IRAK3: variants seen among roughly 807,000 people sequenced by gnomAD.
IRAK3 encodes the protein interleukin-1 receptor-associated kinase 3.
IRAK3 carries 57 observed loss-of-function variants against 56.6 expected under a neutral mutation model. The observed-to-expected ratio is 1.01, with a 90% CI of 0.81 to 1.26. IRAK3 has a LOEUF of 1.26. IRAK3 is among the 50% of genes most tolerant of loss of function. The pLI, the probability that IRAK3 is intolerant of heterozygous loss-of-function variation, is 0.00. For synonymous variants in IRAK3, 258 were observed against 255.7 expected (o/e 1.01, Z -0.09); for missense variants, 703 against 719.0 (o/e 0.98, Z 0.25).
intron 2 of IRAK3, 92 bp from the exon 3 acceptor site, chr12:66,209,364 C>G: frequency 1.3e-6 from 1 of 764,508 alleles, no homozygotes; most frequent in East Asian, 2.5e-5. Context: ...TGAACAATGG[C>G]TAGCAAGACA....
intron 5 of IRAK3, among the ~76,000 whole-genome samples, chr12:66,213,288 GC>G (rs1314293584): frequency 6.6e-6 from 1 of 152,086 alleles, no homozygotes; most frequent in Non-Finnish European, 1.5e-5. Flanking sequence ...CTCCCACTGG[GC>G]CCCTCCCACA....
At chr12:66,208,136 C>A (rs775479668) in intron 2 of IRAK3, among the ~76,000 whole-genome samples, 24 of 152,046 alleles carry the variant, frequency 1.6e-4, no homozygotes, top group Non-Finnish European at 2.5e-4. Flanking sequence ...AGAAGATAAT[C>A]TAGAAAGAAG....
intron 6 of IRAK3, among the ~76,000 whole-genome samples, chr12:66,226,458 T>A (rs1318604918): frequency 6.6e-6 from 1 of 152,112 alleles, no homozygotes; most frequent in African/African-American, 2.4e-5. Context: ...GCCAGGCTGG[T>A]CTCAAACTCC....
intron 1 of IRAK3, chr12:66,197,117 C>T (rs1393545354): frequency 7.7e-7 from 1 of 1,305,036 alleles, no homozygotes; most frequent in Non-Finnish European, 9.7e-7. Flanking sequence ...CTTAGGTTGA[C>T]TTTTTGGCTT....
In IRAK3 at chr12:66,196,826, A is replaced by AT. The variant is rs571270644; in HGVS notation, c.134-6879dup. 237 of 1,436,332 alleles carry AT rather than the reference A, an allele frequency of 1.7e-4. 3 individuals carry two copies. The South Asian group carries it at 3.2e-3, about 20-fold the overall frequency. 89.0% of individuals were successfully genotyped at this position (1,436,332 alleles called of 1,614,324 possible). A position where few individuals can be genotyped will look rare whatever the true frequency, so the allele number is the denominator to read the frequency against. On this transcript the variant is annotated intron_variant, in intron 1 of 11. Coordinates refer to ENST00000261233, the MANE Select transcript of IRAK3 (RefSeq NM_007199.3). ...AAAAGTTCTTTTAAAAAATTGTCTA[A>AT]TTTTTTGCATGCTTTGTAGAAAGAA... is the stretch of plus-strand genomic sequence containing the variant.
chr12:66,200,240 T>C (rs1016312998), intron 1 of IRAK3, among the ~76,000 whole-genome samples: 2 of 152,230 alleles, frequency 1.3e-5, no homozygotes, highest in Non-Finnish European at 2.9e-5. Flanking sequence ...TAAGTTATGC[T>C]GCAGTAACAA....
At chr12:66,235,372 G>A in intron 8 of IRAK3, 1 of 1,014,188 alleles carries the variant, frequency 9.9e-7, no homozygotes, top group South Asian at 4.5e-5. Flanking sequence ...CGCAAGGAGG[G>A]GGCCGGCCGG....
chr12:66,214,670 A>G (rs1021028722), intron 5 of IRAK3, among the ~76,000 whole-genome samples: 10 of 152,232 alleles, frequency 6.6e-5, no homozygotes, highest in African/African-American at 2.4e-4. Flanking sequence ...CTGACTATAT[A>G]TTAGAATTAT....
chr12:66,205,414 C>T (rs2052549285), intron 2 of IRAK3, among the ~76,000 whole-genome samples: 1 of 152,012 alleles, frequency 6.6e-6, no homozygotes, highest in South Asian at 2.1e-4. Context: ...GAGGATAGCA[C>T]CTTACTTCTT....
intron 2 of IRAK3, among the ~76,000 whole-genome samples, chr12:66,204,778 G>GCGCACGCACACA (rs1026097833): frequency 1.4e-5 from 2 of 147,812 alleles, no homozygotes; most frequent in African/African-American, 4.9e-5. Context: ...GAGCCCTTGC[G>GCGCACGCACACA]CACACACACA....
chr12:66,190,102 A>G (rs11465941), intron 1 of IRAK3, among the ~76,000 whole-genome samples: 2,180 of 152,288 alleles, frequency 0.014, 55 homozygotes, highest in African/African-American at 0.05. Flanking sequence ...TTCGGACAAA[A>G]ATCTTCGTTT....
intron 8 of IRAK3, 114 bp downstream of exon 8, chr12:66,228,484 T>C: frequency 1.3e-6 from 1 of 794,116 alleles, no homozygotes; most frequent in Middle Eastern, 2.3e-4. Context: ...GTGTGTGTGT[T>C]AAGAATTCTC....
rs895395591 is a variant in IRAK3 at position 66,253,802 on chromosome 12, A to G, written c.*5631A>G. ...TAAACAACCTATTGAGCCGGTTTCC[A>G]TTTCCTTGATCTATTAGATTTAAAA... On this transcript the variant is annotated 3_prime_UTR_variant, in exon 12 of 12. Transcript: ENST00000261233. 1 of 151,438 alleles carries G rather than the reference A, an allele frequency of 6.6e-6. No homozygotes were observed. Among genetic ancestry groups the G allele is most frequent in the African/African-American group, 2.4e-5 (1 of 41,410 alleles). The allele number at this position is 151,438 out of a possible 1,614,324, so 9.4% of individuals were successfully genotyped here.
At chr12:66,245,073 T>G (rs765248930) in intron 10 of IRAK3, 25 bp from the exon 11 acceptor site, 2 of 1,614,068 alleles carry the variant, frequency 1.2e-6, no homozygotes, top group South Asian at 2.2e-5. Context: ...TTCTCTGTGA[T>G]AAAATTGTCT....
At chr12:66,232,665 T>C (rs2052855760) in intron 8 of IRAK3, among the ~76,000 whole-genome samples, 1 of 152,222 alleles carries the variant, frequency 6.6e-6, no homozygotes, top group Non-Finnish European at 1.5e-5. Context: ...CCCTGAGTGT[T>C]GGTCCCTCTG....
At chr12:66,231,476 A>G (rs1400504481) in intron 8 of IRAK3, among the ~76,000 whole-genome samples, 3 of 152,224 alleles carry the variant, frequency 2.0e-5, no homozygotes. Flanking sequence ...CAGTGATGAT[A>G]ATAGTCTTGT....
intron 1 of IRAK3, among the ~76,000 whole-genome samples, chr12:66,191,460 T>C (rs1196282891): frequency 6.6e-6 from 1 of 152,192 alleles, no homozygotes; most frequent in African/African-American, 2.4e-5. Flanking sequence ...GTTCTATTTT[T>C]ATATATAAGC....
At chr12:66,195,987 C>G (rs928626548) in intron 1 of IRAK3, among the ~76,000 whole-genome samples, 6 of 151,904 alleles carry the variant, frequency 3.9e-5, no homozygotes, top group African/African-American at 1.5e-4. Context: ...GACACCCCCC[C>G]CCACCACTCT....
intron 7 of IRAK3, among the ~76,000 whole-genome samples, chr12:66,227,895 A>G (rs1170257858): frequency 6.6e-6 from 1 of 152,226 alleles, no homozygotes; most frequent in East Asian, 1.9e-4. Context: ...TGTTTCAGTT[A>G]GGATGAGAAT....
Sources: allele counts gnomAD v4.1 joint callset (sites outside exome capture counted in the v4.1 genomes callset), GRCh38; gene constraint gnomAD v4.1.1; transcripts MANE v1.5; gene names NCBI Gene and HGNC (gene_info 2026-07-23, HGNC 2026-07-21).